Variants in NCOA3 observed in about 807,000 individuals in gnomAD.
NCOA3 encodes the protein nuclear receptor coactivator 3.
Under a neutral mutation model 158.8 loss-of-function variants are expected in NCOA3, and 51 were observed. The ratio of observed to expected loss-of-function variants is 0.32; its 90% confidence interval spans 0.26 to 0.41. The LOEUF is 0.41. Ranked by LOEUF, NCOA3 falls within the 10% of genes least tolerant of loss-of-function variation. The probability of loss-of-function intolerance (pLI) is 1.00; values close to 1 mark genes in which losing one functional copy is unlikely to be tolerated. For synonymous variants in NCOA3, 537 were observed against 592.4 expected (o/e 0.91, Z 1.36); for missense variants, 1,510 against 1,746.6 (o/e 0.86, Z 2.41).
intron 1 of NCOA3, among the ~76,000 whole-genome samples, chr20:47,544,211 CTTTTGTTT>C (rs1354270609): frequency 6.8e-6 from 1 of 146,644 alleles, no homozygotes; most frequent in Non-Finnish European, 1.5e-5. Flanking sequence ...TAATCTCTCC[CTTTTGTTT>C]TTTTGGGGTT....
At chr20:47,531,038 A>C (rs1429550739) in intron 1 of NCOA3, among the ~76,000 whole-genome samples, 1 of 152,114 alleles carries the variant, frequency 6.6e-6, no homozygotes, top group Non-Finnish European at 1.5e-5. Context: ...GGTATTAAGG[A>C]ATAAAATTGA....
rs908376613 is a variant in NCOA3 at position 47,636,241 on chromosome 20, A to G, written c.1855A>G (p.Lys619Glu). The change falls in exon 12 of 23, where the codon AAA (lysine) becomes GAA (glutamate). Residue 619 changes from lysine to glutamate, a missense_variant. Lys to Glu is a moderately conservative substitution (Grantham distance 56). This residue lies in a region of NCOA3 where 1,017 missense variants were observed against 1,098.3 expected (regional missense o/e 0.93). Transcript: ENST00000371998. ...QRGPLESKGH[K>E]KLLQLLTCSS... ...GGGTCCTTTGGAAAGCAAAGGTCAT[A>G]AAAAATTACTGCAGTTACTTACCTG... 2.5e-6 allele frequency: 4 copies of G among 1,614,090 alleles called. No individual in the cohort carries two copies. Among genetic ancestry groups the G allele is most frequent in the Non-Finnish European group, 3.4e-6 (4 of 1,180,044 alleles).
At chr20:47,547,084 A>G (rs948808614) in intron 1 of NCOA3, among the ~76,000 whole-genome samples, 3 of 152,218 alleles carry the variant, frequency 2.0e-5, no homozygotes, top group Non-Finnish European at 2.9e-5. Flanking sequence ...GCTCTAATAT[A>G]TTAATACTTT....
intron 1 of NCOA3, among the ~76,000 whole-genome samples, chr20:47,506,772 T>C (rs892299020): frequency 3.3e-5 from 5 of 152,358 alleles, no homozygotes; most frequent in Admixed American, 3.3e-4. Flanking sequence ...CTGTGTCTTT[T>C]TTTTTAAATT....
At chr20:47,585,970 G>T (rs2085529823) in intron 2 of NCOA3, among the ~76,000 whole-genome samples, 1 of 149,856 alleles carries the variant, frequency 6.7e-6, no homozygotes, top group Non-Finnish European at 1.5e-5. Context: ...ACCCAGCTTG[G>T]AGTGCAATGG....
At chr20:47,590,048 G>A (rs1005822246) in intron 2 of NCOA3, among the ~76,000 whole-genome samples, 2 of 151,988 alleles carry the variant, frequency 1.3e-5, no homozygotes, top group Non-Finnish European at 1.5e-5. Flanking sequence ...TAATCCCCCT[G>A]CATTGGTTTC....
intron 1 of NCOA3, among the ~76,000 whole-genome samples, chr20:47,558,253 T>TTTTTTTTTTTTTTTTTTTG (rs2085043034): frequency 7.6e-6 from 1 of 131,540 alleles, no homozygotes; most frequent in Non-Finnish European, 1.6e-5. Flanking sequence ...TTTTTTTTTT[T>TTTTTTTTTTTTTTTTTTTG]TTTTTTTTAG....
chr20:47,551,335 A>G (rs1480004212), intron 1 of NCOA3, among the ~76,000 whole-genome samples: 2 of 152,134 alleles, frequency 1.3e-5, no homozygotes, highest in Non-Finnish European at 2.9e-5. Context: ...GTCCTTTGGT[A>G]CCTGTTTGTT....
intron 17 of NCOA3, among the ~76,000 whole-genome samples, chr20:47,642,850 C>A (rs866794514): frequency 6.6e-6 from 1 of 152,132 alleles, no homozygotes; most frequent in Non-Finnish European, 1.5e-5. Flanking sequence ...TGTTTACATA[C>A]CCCGCCTTAT....
Position 47,627,765 on chromosome 20 carries a change from T to C in NCOA3, c.721+16T>C. ...GAAGGGGAAGGTAAGAGCTATTATA[T>C]GTTTGTGATGTTCATGAAACAAATA... On this transcript the variant is annotated intron_variant, in intron 7 of 22. Coordinates refer to ENST00000371998, the MANE Select transcript of NCOA3 (RefSeq NM_181659.3). 6.2e-7 allele frequency: 1 copy of C among 1,606,948 alleles called. No individual in the cohort carries two copies. Among genetic ancestry groups the C allele is most frequent in the Non-Finnish European group, 8.5e-7 (1 of 1,175,580 alleles).
chr20:47,542,731 G>A (rs576942537), intron 1 of NCOA3, among the ~76,000 whole-genome samples: 2 of 152,282 alleles, frequency 1.3e-5, no homozygotes, highest in South Asian at 2.1e-4. Flanking sequence ...GGAAGCCCAG[G>A]CGGGTGGATC....
chr20:47,565,361 G>A (rs1424480189), intron 1 of NCOA3, among the ~76,000 whole-genome samples: 1 of 152,126 alleles, frequency 6.6e-6, no homozygotes, highest in African/African-American at 2.4e-5. Flanking sequence ...TCCAGAGGCA[G>A]TGTCACTGGT....
chr20:47,629,419 T>C (rs2086378079), intron 8 of NCOA3, among the ~76,000 whole-genome samples: 1 of 151,916 alleles, frequency 6.6e-6, no homozygotes, highest in African/African-American at 2.4e-5. Context: ...AACCTCTGCC[T>C]CCTGGGTTCA....
chr20:47,581,362 G>C (rs1209188798), intron 1 of NCOA3, among the ~76,000 whole-genome samples: 1 of 152,050 alleles, frequency 6.6e-6, no homozygotes, highest in Non-Finnish European at 1.5e-5. Flanking sequence ...CCTTTGTTGT[G>C]AGCCACATGT....
In NCOA3 at chr20:47,556,353, T is replaced by C. The variant is rs527675369; in HGVS notation, c.-98-26830T>C. On this transcript the variant is annotated intron_variant, in intron 1 of 22. Coordinates refer to ENST00000371998, the MANE Select transcript of NCOA3 (RefSeq NM_181659.3). The stretch of plus-strand genomic sequence containing the variant: ...CAAGTAATTAGCAGTTTTTAAAATG[T>C]TTTGTGACTAACTCCACAAGGTTAG... 1.6e-4 allele frequency among the ~76,000 whole-genome samples: 24 copies of C among 152,312 alleles called. 1 individual carries two copies. Among genetic ancestry groups the C allele is most frequent in the South Asian group, 1.2e-3 (6 of 4,826 alleles).
At position 47,635,353 on chromosome 20, in the gene NCOA3, C is replaced by T. The variant is rs772695646; in HGVS notation, c.1144C>T (p.Pro382Ser). The T allele has an allele frequency of 2.3e-5, 37 of 1,605,584 alleles. No homozygotes were observed. The highest frequency in any genetic ancestry group is 3.1e-5 in the Non-Finnish European group (36 of 1,173,084). The change falls in exon 11 of 23, where the codon CCT becomes TCT. Residue 382 changes from proline to serine, a missense_variant. Physicochemically the swap from Pro to Ser is moderately conservative, Grantham distance 74. Transcript: ENST00000371998. ...EQNGYRPNPN[P>S]VGQGIRPPMA... ...GAATGGATATAGACCAAACCCAAAT[C>T]CTGTTGGACAAGGGATTAGACCACC...
intron 17 of NCOA3, among the ~76,000 whole-genome samples, chr20:47,643,303 G>C (rs1048151725): frequency 6.6e-6 from 1 of 152,226 alleles, no homozygotes; most frequent in Non-Finnish European, 1.5e-5. Flanking sequence ...GGGGCTGTCA[G>C]TTGTTGTTGG....
chr20:47,651,013 A>T lies in NCOA3; in HGVS notation c.3683A>T (p.Gln1228Leu), dbSNP rs2086778536. The change falls in exon 20 of 23, where the codon CAA (glutamine) becomes CTA (leucine). Residue 1228 changes from glutamine to leucine, a missense_variant. Physicochemically the swap from Gln to Leu is moderately radical, Grantham distance 113. This residue lies in a region of NCOA3 where 1,017 missense variants were observed against 1,098.3 expected (regional missense o/e 0.93). Transcript: ENST00000371998. ...TTTCTTAATGCTCAAATGGTCGCCC[A>T]ACGCAGCAGAGAGCTGCTAAGTCAT... ...QGFLNAQMVA[Q>L]RSRELLSHHF... The T allele has an allele frequency of 6.2e-7, 1 of 1,614,136 alleles. No individual in the cohort carries two copies. The highest frequency in any genetic ancestry group is 1.7e-5 in the Admixed American group (1 of 60,020).
chr20:47,564,776 C>T (rs1003442242), intron 1 of NCOA3, among the ~76,000 whole-genome samples: 10 of 152,076 alleles, frequency 6.6e-5, no homozygotes, highest in African/African-American at 9.7e-5. Flanking sequence ...GGGTTGTGCA[C>T]GTTTTCATGT....
Sources: gnomAD v4.1 joint callset for allele counts (sites outside exome capture counted in the v4.1 genomes callset) on GRCh38, gnomAD v4.1.1 for gene constraint, gnomAD v4.1.1 regional missense constraint, MANE v1.5 for transcripts, NCBI Gene and HGNC (gene_info 2026-07-23, HGNC 2026-07-21) for gene names.